SPAG16: variants seen among roughly 807,000 people sequenced by gnomAD.
SPAG16 encodes sperm associated antigen 16, also known as sperm-associated antigen 16 protein.
A neutral mutation model predicts 80.4 loss-of-function variants in SPAG16; 86 were observed. That is an observed-to-expected ratio of 1.07 (90% confidence interval 0.90 to 1.28). SPAG16 has a LOEUF of 1.28. Ranked by LOEUF, SPAG16 falls within the 50% of genes most tolerant of loss-of-function variation. SPAG16 has a pLI of 0.00. For synonymous variants in SPAG16, 294 were observed against 265.9 expected, an observed-to-expected ratio of 1.11 and a Z score of -1.03; for missense variants, 870 against 765.3, an observed-to-expected ratio of 1.14 and a Z score of -1.61.
At chr2:214,083,384 C>A (rs1401311511) in intron 13 of SPAG16, among the ~76,000 whole-genome samples, 3 of 151,950 alleles carry the variant, frequency 2.0e-5, no homozygotes, top group Non-Finnish European at 4.4e-5. Context: ...TCTTATTTAC[C>A]AGGCCATAAG....
intron 12 of SPAG16, among the ~76,000 whole-genome samples, chr2:213,935,609 G>T (rs1474542696): frequency 6.6e-6 from 1 of 152,194 alleles, no homozygotes; most frequent in Non-Finnish European, 1.5e-5. Flanking sequence ...TGCAACTGTT[G>T]TAAGTGTCTC....
intron 15 of SPAG16, among the ~76,000 whole-genome samples, chr2:214,172,453 G>A (rs2056906482): frequency 6.6e-6 from 1 of 152,102 alleles, no homozygotes. Flanking sequence ...GCACTGCATA[G>A]TATTCCATGG....
intron 10 of SPAG16, among the ~76,000 whole-genome samples, chr2:213,623,058 C>A (rs1288358194): frequency 6.6e-6 from 1 of 152,110 alleles, no homozygotes. Flanking sequence ...CATTCTCACG[C>A]CTCCATTTGC....
intron 9 of SPAG16, among the ~76,000 whole-genome samples, chr2:213,428,614 G>A (rs2070094782): frequency 6.6e-6 from 1 of 152,248 alleles, no homozygotes; most frequent in Non-Finnish European, 1.5e-5. Flanking sequence ...ATTTTAATAG[G>A]GCTCTCTCCC....
intron 14 of SPAG16, among the ~76,000 whole-genome samples, chr2:214,114,390 G>A (rs2053827668): frequency 6.6e-6 from 1 of 152,234 alleles, no homozygotes; most frequent in Non-Finnish European, 1.5e-5. Flanking sequence ...GTTTAAGTCT[G>A]CAGAAGTTGT....
rs115473269 is a variant in SPAG16, at chr2:213,490,044, T to A, written c.1024T>A (p.Tyr342Asn). The part of the protein sequence containing the change: ...KESLSPAKFD[Y>N]KLKNIFRLHE... The stretch of plus-strand genomic sequence containing the variant: ...AAGTCTTTCTCCAGCAAAATTTGAC[T>A]ACAAGCTGAAAAACATTTTTAGACT... The change falls in exon 10 of 16, where the codon TAC becomes AAC. Residue 342 changes from tyrosine to asparagine, a missense_variant. Transcript: ENST00000331683. 6.2e-7 allele frequency: 1 copy of A among 1,610,482 alleles called. No homozygotes were observed. Among genetic ancestry groups the A allele is most frequent in the African/African-American group, 1.3e-5 (1 of 74,872 alleles).
rs1371409366 is a variant in SPAG16, at chr2:213,672,774, G to A, written c.1070+182684G>A. On this transcript the variant is annotated intron_variant, in intron 10 of 15. Coordinates refer to ENST00000331683, the MANE Select transcript of SPAG16 (RefSeq NM_024532.5). ...CACATTGGCCCTGCTCTGCAATAGG[G>A]ATATTCCTATCCTAGGAATTAGTTC... Among the ~76,000 whole-genome samples, 6 of 151,606 alleles carry A rather than the reference G, an allele frequency of 4.0e-5. No homozygotes were observed. In the South Asian group the frequency reaches 1.0e-3, roughly 26 times the overall value.
At chr2:214,048,005 GTTAAAATGGCTT>G (rs1384474427) in intron 13 of SPAG16, among the ~76,000 whole-genome samples, 1 of 152,124 alleles carries the variant, frequency 6.6e-6, no homozygotes, top group Non-Finnish European at 1.5e-5. Context: ...TGTCACCCCA[GTTAAAATGGCTT>G]TTATCCAAAA....
chr2:213,447,505 G>A (rs2071402352), intron 9 of SPAG16, among the ~76,000 whole-genome samples: 1 of 152,018 alleles, frequency 6.6e-6, no homozygotes, highest in Non-Finnish European at 1.5e-5. Context: ...CTCCTTTATG[G>A]GACTCCAATT....
intron 11 of SPAG16, among the ~76,000 whole-genome samples, chr2:213,908,324 C>T (rs2077512213): frequency 6.6e-6 from 1 of 152,176 alleles, no homozygotes; most frequent in Non-Finnish European, 1.5e-5. Flanking sequence ...ACATCATTCT[C>T]CTTTTGAACT....
At chr2:213,427,276 T>C (rs2069994390) in intron 9 of SPAG16, among the ~76,000 whole-genome samples, 1 of 152,212 alleles carries the variant, frequency 6.6e-6, no homozygotes, top group Non-Finnish European at 1.5e-5. Context: ...CTCCAAAACA[T>C]ACTATTTGTT....
At position 213,528,304 on chromosome 2, in the gene SPAG16, A is replaced by C. The variant is rs1490664537; in HGVS notation, c.1070+38214A>C. On this transcript the variant is annotated intron_variant, in intron 10 of 15. Coordinates refer to ENST00000331683, the MANE Select transcript of SPAG16 (RefSeq NM_024532.5). ...ATACCTAGAAAAAGTAGTCTTTGGC[A>C]GGGGGTGGGGGTAAGAATTGAGTAA... Among the ~76,000 whole-genome samples the C allele has an allele frequency of 4.6e-5, 7 of 152,230 alleles. No homozygotes were observed. The East Asian group carries it at 1.3e-3, about 29-fold the overall frequency.
At chr2:213,472,100 T>C (rs1339519466) in intron 9 of SPAG16, among the ~76,000 whole-genome samples, 1 of 152,160 alleles carries the variant, frequency 6.6e-6, no homozygotes, top group African/African-American at 2.4e-5. Context: ...TGTGACATCT[T>C]GTAGAAGTAA....
chr2:214,327,533 T>A (rs1053055247), intron 15 of SPAG16, among the ~76,000 whole-genome samples: 1 of 152,196 alleles, frequency 6.6e-6, no homozygotes, highest in Non-Finnish European at 1.5e-5. Context: ...ATTTGTTGAG[T>A]GTATTTATTC....
At position 214,385,712 on chromosome 2, in the gene SPAG16, C is replaced by G. The variant is rs967902022; in HGVS notation, c.1721-24428C>G. On this transcript the variant is annotated intron_variant, in intron 15 of 15. Coordinates refer to ENST00000331683, the MANE Select transcript of SPAG16 (RefSeq NM_024532.5). ...TACAAAAATTAGCCGGGTGTGGTGG[C>G]ACGCACCTGTAGTCCTAGCTGCTTG... Among the ~76,000 whole-genome samples, 3 of 152,226 alleles carry G rather than the reference C, an allele frequency of 2.0e-5. No homozygotes were observed. In the South Asian group the frequency reaches 6.2e-4, roughly 32 times the overall value.
At chr2:214,365,139 C>T (rs938767963) in intron 15 of SPAG16, among the ~76,000 whole-genome samples, 8 of 152,092 alleles carry the variant, frequency 5.3e-5, no homozygotes, top group Non-Finnish European at 1.0e-4. Flanking sequence ...TGACAGAAGG[C>T]GCGCTCCTGC....
At chr2:214,384,434 A>G (rs961036023) in intron 15 of SPAG16, among the ~76,000 whole-genome samples, 1 of 152,190 alleles carries the variant, frequency 6.6e-6, no homozygotes, top group African/African-American at 2.4e-5. Context: ...AATAATACCT[A>G]TGTCTCCAGT....
intron 15 of SPAG16, among the ~76,000 whole-genome samples, chr2:214,349,853 T>G (rs1698285048): frequency 1.3e-5 from 2 of 152,254 alleles, no homozygotes; most frequent in African/African-American, 4.8e-5. Flanking sequence ...TTTCATGTGC[T>G]CGTTGAGCAT....
chr2:213,511,483 T>C (rs2075223798), intron 10 of SPAG16, among the ~76,000 whole-genome samples: 1 of 152,140 alleles, frequency 6.6e-6, no homozygotes, highest in African/African-American at 2.4e-5. Flanking sequence ...AAAGGCAAAA[T>C]TCAATTTAAG....
Sources: allele counts gnomAD v4.1 joint callset (sites outside exome capture counted in the v4.1 genomes callset), GRCh38; gene constraint gnomAD v4.1.1; transcripts MANE v1.5; gene names NCBI Gene and HGNC (gene_info 2026-07-23, HGNC 2026-07-21).